Variants in LIMCH1 observed in about 807,000 individuals in gnomAD.
LIMCH1 encodes LIM and calponin homology domains-containing protein 1.
In LIMCH1, 113 loss-of-function variants were observed where a neutral mutation model predicts 176.5. The ratio of observed to expected loss-of-function variants is 0.64; its 90% confidence interval spans 0.55 to 0.75. LIMCH1 has a LOEUF of 0.75. Ranked by LOEUF, LIMCH1 falls within the 30% of genes least tolerant of loss-of-function variation. The pLI is 0.00. For synonymous variants in LIMCH1, 619 were observed against 645.9 expected, an observed-to-expected ratio of 0.96 and a Z score of 0.63; for missense variants, 1,674 against 1,814.9, an observed-to-expected ratio of 0.92 and a Z score of 1.41.
At chr4:41,586,000 C>CTTCTT (rs777396438) in intron 1 of LIMCH1, among the ~76,000 whole-genome samples, 1 of 125,042 alleles carries the variant, frequency 8.0e-6, no homozygotes, top group African/African-American at 4.9e-5. Context: ...TCTCTTCTGT[C>CTTCTT]TTCTTTTCTC....
At position 41,684,461 on chromosome 4, in the gene LIMCH1, C is replaced by A; in HGVS notation, c.3910C>A (p.Gln1304Lys). Residue 1304 changes from glutamine (Q) to lysine (K), a missense_variant, in exon 27 of 32, where the codon CAG (glutamine) becomes AAG (lysine). By Grantham distance (53) the Gln-to-Lys change is moderately conservative. Around this residue, in one of 3 missense-constraint regions of LIMCH1, gnomAD observed 1,015 missense variants for 1,102.5 expected, o/e 0.92. Transcript: ENST00000503057. Reference protein sequence around the residue: ...PVSKGVHEDHQLDTEAGAPHC... With the variant: ...PVSKGVHEDHKLDTEAGAPHC... Reference sequence around the variant, plus strand: ...ATCAAAAGGAGTCCATGAAGACCATCAGCTGGATACCGAGGCTGGGGCCCC... The same window carrying A: ...ATCAAAAGGAGTCCATGAAGACCATAAGCTGGATACCGAGGCTGGGGCCCC... 6.2e-7 allele frequency: 1 copy of A among 1,613,782 alleles called. No individual in the cohort carries two copies. The highest frequency in any genetic ancestry group is 2.2e-5 in the East Asian group (1 of 44,836).
At chr4:41,520,213 CCT>C (rs1402289272) in intron 2 of LIMCH1, among the ~76,000 whole-genome samples, 4 of 152,158 alleles carry the variant, frequency 2.6e-5, no homozygotes, top group African/African-American at 9.7e-5. Flanking sequence ...TTTGCTTACA[CCT>C]TGGCCATCTT....
intron 1 of LIMCH1, among the ~76,000 whole-genome samples, chr4:41,460,350 T>A (rs548617666): frequency 5.3e-5 from 8 of 151,682 alleles, no homozygotes; most frequent in African/African-American, 1.5e-4. Context: ...CATGACATGC[T>A]ACGTGAGCCC....
At chr4:41,562,812 T>C (rs1471266313) in intron 1 of LIMCH1, among the ~76,000 whole-genome samples, 1 of 152,208 alleles carries the variant, frequency 6.6e-6, no homozygotes, top group East Asian at 1.9e-4. Context: ...AGAAAAATAT[T>C]GCTCTTTCTG....
At chr4:41,613,747 G>A in intron 5 of LIMCH1, 86 bp downstream of exon 5, 1 of 1,152,120 alleles carries the variant, frequency 8.7e-7, no homozygotes, top group Non-Finnish European at 1.3e-6. Flanking sequence ...ATGGGCACTG[G>A]GAAAGCAGGC....
rs1388757799 is a variant in LIMCH1, at chr4:41,589,721, C to T, written c.-240-9199C>T. Among the ~76,000 whole-genome samples, 11 of 152,300 alleles carry T rather than the reference C, an allele frequency of 7.2e-5. No homozygotes were observed. In the East Asian group the frequency reaches 1.5e-3, roughly 21 times the overall value. ...TGTCTCTGGGTTAGCCTCGCTCGTT[C>T]TGTGTCTGACCTCTCCCAGGAAATA... On this transcript the variant is annotated intron_variant, in intron 1 of 31. Coordinates refer to ENST00000503057, the MANE Select transcript of LIMCH1 (RefSeq NM_001330672.2).
At chr4:41,601,357 G>A (rs2089892227) in intron 2 of LIMCH1, among the ~76,000 whole-genome samples, 1 of 152,170 alleles carries the variant, frequency 6.6e-6, no homozygotes, top group African/African-American at 2.4e-5. Context: ...AGGTGGTTGA[G>A]GGTGGCTTCT....
chr4:41,693,205 A>G (rs1037140363), intron 31 of LIMCH1: 2 of 152,074 alleles, frequency 1.3e-5, no homozygotes, highest in African/African-American at 4.8e-5. Context: ...TCAGTCAGAA[A>G]CTCTTTTAAA....
intron 2 of LIMCH1, among the ~76,000 whole-genome samples, chr4:41,511,545 T>G (rs1286596818): frequency 6.6e-6 from 1 of 152,220 alleles, no homozygotes; most frequent in Non-Finnish European, 1.5e-5. Context: ...ACTCATGAAG[T>G]TGGATATTTT....
At chr4:41,383,803 G>A (rs951506340) in intron 1 of LIMCH1, among the ~76,000 whole-genome samples, 22 of 152,282 alleles carry the variant, frequency 1.4e-4, no homozygotes, top group Admixed American at 3.9e-4. Context: ...TGTGACCAGG[G>A]TTGAGAGCTG....
At chr4:41,484,550 GTTC>G (rs2069190830) in intron 1 of LIMCH1, among the ~76,000 whole-genome samples, 3 of 152,324 alleles carry the variant, frequency 2.0e-5, no homozygotes, top group Non-Finnish European at 2.9e-5. Context: ...ATGCAGAGAT[GTTC>G]TTCTTGTGAA....
intron 1 of LIMCH1, among the ~76,000 whole-genome samples, chr4:41,385,414 T>C (rs1480709816): frequency 6.6e-6 from 1 of 152,230 alleles, no homozygotes; most frequent in African/African-American, 2.4e-5. Context: ...TTTTGAGTGA[T>C]ACAGAAATCA....
chr4:41,651,715 T>C (rs2094305096), intron 18 of LIMCH1, among the ~76,000 whole-genome samples: 1 of 152,202 alleles, frequency 6.6e-6, no homozygotes, highest in South Asian at 2.1e-4. Flanking sequence ...TTCTTATTAG[T>C]TAAAGAAACA....
intron 1 of LIMCH1, among the ~76,000 whole-genome samples, chr4:41,470,899 A>G (rs6831288): frequency 0.5 from 75,184 of 151,824 alleles, 22,160 homozygotes; most frequent in African/African-American, 0.83. Flanking sequence ...CTTGAAAAGA[A>G]AGAGAGGCGA....
intron 1 of LIMCH1, among the ~76,000 whole-genome samples, chr4:41,593,579 C>T (rs912290771): frequency 6.6e-6 from 1 of 152,202 alleles, no homozygotes; most frequent in Non-Finnish European, 1.5e-5. Context: ...TTTCTCACAA[C>T]CTTTTTTGGG....
chr4:41,369,549 C>A (rs1389306124), intron 1 of LIMCH1, among the ~76,000 whole-genome samples: 5 of 152,190 alleles, frequency 3.3e-5, no homozygotes, highest in Non-Finnish European at 7.3e-5. Context: ...AGAGCTTAAA[C>A]CCGACTGCCT....
intron 1 of LIMCH1, among the ~76,000 whole-genome samples, chr4:41,440,651 G>T (rs1360079990): frequency 6.6e-6 from 1 of 152,112 alleles, no homozygotes; most frequent in Non-Finnish European, 1.5e-5. Context: ...TCCTGCCTCA[G>T]CCTCCCAAGT....
chr4:41,667,242 A>G (rs963386141), intron 21 of LIMCH1, among the ~76,000 whole-genome samples: 2 of 152,222 alleles, frequency 1.3e-5, no homozygotes, highest in African/African-American at 4.8e-5. Context: ...TTAATTTGAC[A>G]GTAATTTTGA....
intron 1 of LIMCH1, among the ~76,000 whole-genome samples, chr4:41,426,024 T>TTA (rs2061051767): frequency 6.9e-6 from 1 of 144,464 alleles, no homozygotes; most frequent in African/African-American, 2.6e-5. Flanking sequence ...ATTCTTTTTT[T>TTA]TTTTTTTTTT....
Sources: gnomAD v4.1 joint callset for allele counts (sites outside exome capture counted in the v4.1 genomes callset) on GRCh38, gnomAD v4.1.1 for gene constraint, gnomAD v4.1.1 regional missense constraint, MANE v1.5 for transcripts, NCBI Gene and HGNC (gene_info 2026-07-23, HGNC 2026-07-21) for gene names.